MPP7: variants seen among roughly 807,000 people sequenced by gnomAD.
MPP7 encodes MAGUK p55 scaffold protein 7.
In MPP7, 60 loss-of-function variants were observed where a neutral mutation model predicts 76.5. The ratio of observed to expected loss-of-function variants is 0.78; its 90% CI spans 0.64 to 0.97. The LOEUF (loss-of-function observed/expected upper bound fraction) is 0.97. Among genes scored for constraint, MPP7 ranks in the 50% least tolerant of loss-of-function variants. MPP7 has a pLI of 0.00. For synonymous variants in MPP7, 237 were observed against 244.5 expected (o/e 0.97, Z 0.29); for missense variants, 641 against 694.0 (o/e 0.92, Z 0.86).
At chr10:28,180,560 A>G (rs1200687853) in intron 3 of MPP7, among the ~76,000 whole-genome samples, 1 of 152,242 alleles carries the variant, frequency 6.6e-6, no homozygotes, top group Non-Finnish European at 1.5e-5. Flanking sequence ...CCATATTTGA[A>G]AAATATATTT....
chr10:28,182,064 G>A (rs1164998497), intron 3 of MPP7, among the ~76,000 whole-genome samples: 1 of 152,054 alleles, frequency 6.6e-6, no homozygotes, highest in Non-Finnish European at 1.5e-5. Flanking sequence ...ATAAATTATC[G>A]GAAAGAGTGG....
chr10:28,057,879 G>A (rs1250763826), intron 15 of MPP7: 16 of 1,210,306 alleles, frequency 1.3e-5, no homozygotes, highest in Non-Finnish European at 1.7e-5. Context: ...CTGTGGGCTG[G>A]GGATCTGCTG....
chr10:28,293,680 C>T (rs1429673171), intron 1 of MPP7, among the ~76,000 whole-genome samples: 2 of 152,134 alleles, frequency 1.3e-5, no homozygotes, highest in Non-Finnish European at 2.9e-5. Context: ...GGGAGCGGAG[C>T]GGGGCAGCTC....
At chr10:28,133,032 A>G (rs1835244884) in intron 5 of MPP7, among the ~76,000 whole-genome samples, 1 of 152,194 alleles carries the variant, frequency 6.6e-6, no homozygotes, top group African/African-American at 2.4e-5. Context: ...TCATTCATTT[A>G]TCCATTGTCT....
intron 2 of MPP7, among the ~76,000 whole-genome samples, chr10:28,327,714 C>G (rs529937360): frequency 6.6e-6 from 1 of 152,218 alleles, no homozygotes; most frequent in African/African-American, 2.4e-5. Flanking sequence ...ATTTTCAAGT[C>G]AAGAACCAAG....
chr10:28,240,682 ACTTTG>A (rs1306609312), intron 1 of MPP7, among the ~76,000 whole-genome samples: 1 of 152,142 alleles, frequency 6.6e-6, no homozygotes, highest in Non-Finnish European at 1.5e-5. Context: ...TTTGAAAGCA[ACTTTG>A]CTTTGCCTTC....
At chr10:28,187,377 C>T (rs768652774) in intron 3 of MPP7, among the ~76,000 whole-genome samples, 4 of 152,172 alleles carry the variant, frequency 2.6e-5, no homozygotes, top group African/African-American at 4.8e-5. Context: ...TAAACTATAA[C>T]GTAAGAAATA....
chr10:28,244,895 G>A (rs2132800832), intron 1 of MPP7, among the ~76,000 whole-genome samples: 1 of 152,194 alleles, frequency 6.6e-6, no homozygotes, highest in Non-Finnish European at 1.5e-5. Flanking sequence ...GCACTTGCAG[G>A]CAATGAACTC....
At chr10:28,331,304 G>C (rs1834468204) in intron 1 of MPP7, among the ~76,000 whole-genome samples, 1 of 152,070 alleles carries the variant, frequency 6.6e-6, no homozygotes, top group Non-Finnish European at 1.5e-5. Flanking sequence ...CCTCACTGAG[G>C]GGAGGAGCCT....
chr10:28,311,567 A>AAC (rs1554869935), intron 2 of MPP7, among the ~76,000 whole-genome samples: 4 of 152,084 alleles, frequency 2.6e-5, no homozygotes, highest in African/African-American at 4.8e-5. Context: ...TGTGTCCGGT[A>AAC]ATATATATGT....
At chr10:28,223,671 T>C (rs111247431) in intron 2 of MPP7, among the ~76,000 whole-genome samples, 2 of 152,168 alleles carry the variant, frequency 1.3e-5, no homozygotes, top group African/African-American at 4.8e-5. Flanking sequence ...TAGTTTACAG[T>C]AGTAATCAAA....
chr10:28,183,286 C>T (rs1390498093), intron 3 of MPP7, among the ~76,000 whole-genome samples: 1 of 151,988 alleles, frequency 6.6e-6, no homozygotes, highest in Non-Finnish European at 1.5e-5. Context: ...TATTTTCTCT[C>T]TTAAGCTGTG....
At chr10:28,167,294 G>C (rs1050792429) in intron 3 of MPP7, among the ~76,000 whole-genome samples, 8 of 146,928 alleles carry the variant, frequency 5.4e-5, no homozygotes, top group Non-Finnish European at 7.4e-5. Context: ...CTGGGCAACA[G>C]AGTGAGGCTC....
rs117923453 is a variant in MPP7 at position 28,163,088 on chromosome 10, C to T, written c.157-13029G>A. ...CAGTCATAGGGTCCAGGGAGAAAGA[C>T]GTCTTGAGGGTAGTGAAGGGGTGGA... On this transcript the variant is annotated intron_variant, in intron 3 of 16. Transcript: ENST00000683449. Among the ~76,000 whole-genome samples the T allele has an allele frequency of 4.1e-4, 63 of 152,202 alleles. No individual in the cohort carries two copies. The East Asian group carries it at 0.011, about 27-fold the overall frequency.
At chr10:28,330,697 C>T (rs1361238593) in intron 1 of MPP7, among the ~76,000 whole-genome samples, 1 of 152,116 alleles carries the variant, frequency 6.6e-6, no homozygotes, top group African/African-American at 2.4e-5. Flanking sequence ...CTCTGTCACC[C>T]AGGCTGGAGT....
intron 13 of MPP7, among the ~76,000 whole-genome samples, chr10:28,061,975 G>A (rs1165511599): frequency 2.0e-5 from 3 of 152,014 alleles, no homozygotes; most frequent in African/African-American, 7.2e-5. Context: ...GAAACTAACA[G>A]AATTCACAGC....
At chr10:28,325,019 A>G (rs1209649421) in intron 2 of MPP7, among the ~76,000 whole-genome samples, 1 of 152,170 alleles carries the variant, frequency 6.6e-6, no homozygotes, top group East Asian at 1.9e-4. Flanking sequence ...CAGCCTCTCA[A>G]GTGGCTGGGA....
intron 3 of MPP7, among the ~76,000 whole-genome samples, chr10:28,167,646 G>A (rs557079289): frequency 4.6e-5 from 7 of 151,924 alleles, no homozygotes; most frequent in South Asian, 2.1e-4. Flanking sequence ...GTACTTGGCT[G>A]ATAAAAAATA....
In MPP7 at chr10:28,052,934, G is replaced by A. The variant is rs1451994496; in HGVS notation, c.*1131C>T. ...ATAATTCACTTGCTGAAAATCAGTA[G>A]TATCAAAGAAAAGTGAGAGAACCCA... is the stretch of plus-strand genomic sequence containing the variant. On this transcript the variant is annotated 3_prime_UTR_variant, in exon 17 of 17. Transcript: ENST00000683449. 1 of 152,078 alleles carries A rather than the reference G, an allele frequency of 6.6e-6. No homozygotes were observed. The highest frequency in any genetic ancestry group is 1.9e-4 in the East Asian group (1 of 5,184). The allele number at this position is 152,078 out of a possible 1,614,324, so 9.4% of individuals were successfully genotyped here. A position where few individuals can be genotyped will look rare whatever the true frequency, so the allele number is the denominator to read the frequency against.
Sources: allele counts gnomAD v4.1 joint callset (sites outside exome capture counted in the v4.1 genomes callset), GRCh38; gene constraint gnomAD v4.1.1; transcripts MANE v1.5; gene names NCBI Gene and HGNC (gene_info 2026-07-23, HGNC 2026-07-21).